Variants in TEX15 observed in about 807,000 individuals in gnomAD.
TEX15 encodes the protein testis-expressed protein 15.
TEX15 carries 171 observed loss-of-function variants against 237.3 expected under a neutral mutation model. The ratio of observed to expected loss-of-function variants is 0.72; its 90% CI spans 0.64 to 0.82. TEX15 has a LOEUF of 0.82. Ranked by LOEUF, TEX15 falls within the 40% of genes least tolerant of loss-of-function variation. The pLI, the probability that TEX15 is intolerant of heterozygous loss-of-function variation, is 0.00. For missense variants in TEX15, 3,750 were observed against 3,646.5 expected (o/e 1.03, Z -0.73); for synonymous variants, 1,338 against 1,269.8 (o/e 1.05, Z -1.14).
At chr8:30,861,235 A>C (rs1402617647) in intron 5 of TEX15, among the ~76,000 whole-genome samples, 1 of 152,230 alleles carries the variant, frequency 6.6e-6, no homozygotes, top group Non-Finnish European at 1.5e-5. Flanking sequence ...TATTAAAAAC[A>C]CAATGAAAAT....
intron 5 of TEX15, among the ~76,000 whole-genome samples, chr8:30,865,185 G>C (rs929714059): frequency 6.6e-6 from 1 of 152,038 alleles, no homozygotes; most frequent in Non-Finnish European, 1.5e-5. Context: ...AGACTAGTAT[G>C]ATAACTATAC....
chr8:30,905,701 C>G (rs1180405753), intron 1 of TEX15, among the ~76,000 whole-genome samples: 1 of 105,102 alleles, frequency 9.5e-6, no homozygotes, highest in East Asian at 2.9e-4. Flanking sequence ...CCAGCCTGGG[C>G]AACATGGCGA....
chr8:30,908,126 G>A (rs969555146), intron 1 of TEX15, among the ~76,000 whole-genome samples: 2 of 151,924 alleles, frequency 1.3e-5, no homozygotes, highest in African/African-American at 2.4e-5. Flanking sequence ...GTCTCACTAC[G>A]TTGCCCAGGC....
intron 3 of TEX15, among the ~76,000 whole-genome samples, chr8:30,883,072 T>A (rs1187204552): frequency 1.3e-5 from 2 of 152,134 alleles, no homozygotes; most frequent in East Asian, 3.9e-4. Context: ...TGACTGGCCC[T>A]GTAGTTTTTT....
intron 7 of TEX15, among the ~76,000 whole-genome samples, 167 bp downstream of exon 7, chr8:30,858,501 G>A (rs1349762498): frequency 3.3e-5 from 5 of 152,004 alleles, no homozygotes; most frequent in Non-Finnish European, 1.5e-5. Context: ...TACTAGAGAC[G>A]GGGTTTTGCT....
Position 30,848,806 on chromosome 8 carries a change from T to A in TEX15, c.1361A>T (p.Glu454Val). Reference protein sequence around the residue: ...GEQSSTAGLNEVLQFEKSSDN... With the variant: ...GEQSSTAGLNVVLQFEKSSDN... Reference sequence around the variant, plus strand: ...TGAACTCTTCTCAAATTGCAAAACCTCATTTAAGCCTGCAGTACTACTCTG... The same window carrying A: ...TGAACTCTTCTCAAATTGCAAAACCACATTTAAGCCTGCAGTACTACTCTG... The change falls in exon 8 of 11, where the codon GAG (glutamate) becomes GTG (valine). Residue 454 changes from glutamate to valine, a missense_variant. Coordinates refer to ENST00000643185, the MANE Select transcript of TEX15 (RefSeq NM_001350162.2). 1 of 1,614,064 alleles carries A rather than the reference T, an allele frequency of 6.2e-7. No homozygotes were observed. The highest frequency in any genetic ancestry group is 8.5e-7 in the Non-Finnish European group (1 of 1,179,996).
intron 7 of TEX15, 128 bp downstream of exon 7, chr8:30,858,540 C>T (rs532923142): frequency 2.6e-5 from 20 of 755,296 alleles, no homozygotes; most frequent in African/African-American, 1.1e-4. Context: ...TCAAGTAATC[C>T]GCCCACTTCC....
At position 30,859,834 on chromosome 8, in the gene TEX15, A is replaced by G. The variant is rs1046091631; in HGVS notation, c.687+77T>C. On this transcript the variant is annotated intron_variant, in intron 6 of 10. Transcript: ENST00000643185. The stretch of plus-strand genomic sequence containing the variant: ...ACGAATTAAGAGATTTTCATTTAAC[A>G]TTTTGGGAATTTAAGTCTTAAAACA... The G allele has an allele frequency of 4.5e-6, 5 of 1,105,926 alleles. No homozygotes were observed. The African/African-American group carries it at 4.9e-5, about 11-fold the overall frequency. The allele number at this position is 1,105,926 out of a possible 1,614,324, so 68.5% of individuals were successfully genotyped here. A position where few individuals can be genotyped will look rare whatever the true frequency, so the allele number is the denominator to read the frequency against.
rs1479619215 is a variant in TEX15, at chr8:30,844,948, T to C, written c.5219A>G (p.Gln1740Arg). ...GESSKSYLDK[Q>R]RILTVDSFAA... ...AAAAGAATCTACAGTAAGAATTCTC[T>C]GCTTATCCAAGTAAGATTTTGAAGA... The change falls in exon 8 of 11, where the codon CAG (glutamine) becomes CGG (arginine). Residue 1740 changes from glutamine (Q) to arginine (R), a missense_variant. Coordinates refer to ENST00000643185, the MANE Select transcript of TEX15 (RefSeq NM_001350162.2). The C allele has an allele frequency of 6.2e-7, 1 of 1,613,466 alleles. No individual in the cohort carries two copies. The highest frequency in any genetic ancestry group is 8.5e-7 in the Non-Finnish European group (1 of 1,179,580).
chr8:30,845,289 G>A lies in TEX15; in HGVS notation c.4878C>T (p.Asn1626=). 1.2e-6 allele frequency: 2 copies of A among 1,612,958 alleles called. No individual in the cohort carries two copies. The highest frequency in any genetic ancestry group is 1.7e-5 in the Admixed American group (1 of 59,892). The change falls in exon 8 of 11, where the codon AAC becomes AAT. Residue 1626 remains asparagine (N), a synonymous_variant. Transcript: ENST00000643185. ...NSVSLSCIKE[N]INSSTGNDCD... is the part of the protein sequence containing the mutation. ...AATCGTTGCCTGTACTAGAATTTAT[G>A]TTTTCTTTTATGCAACTTAAAGATA...
intron 2 of TEX15, among the ~76,000 whole-genome samples, chr8:30,893,635 A>G (rs1489532400): frequency 6.6e-6 from 1 of 152,238 alleles, no homozygotes; most frequent in Non-Finnish European, 1.5e-5. Flanking sequence ...TTTCCTGGGT[A>G]GAAAATTCTA....
chr8:30,858,462 A>G (rs757085891), intron 7 of TEX15, among the ~76,000 whole-genome samples: 38 of 151,952 alleles, frequency 2.5e-4, no homozygotes, highest in Non-Finnish European at 1.8e-4. Context: ...CAGGCACACA[A>G]CACCACACCT....
Position 30,843,019 on chromosome 8 carries a change from T to C in TEX15, c.7148A>G (p.Asp2383Gly). Residue 2383 changes from aspartate to glycine, a missense_variant, in exon 8 of 11, where the codon GAC becomes GGC. Physicochemically the swap from Asp to Gly is moderately conservative, Grantham distance 94 (BLOSUM62 -1). Transcript: ENST00000643185. ...SEILDQAEFA[D>G]LKKLQDLTLR... ...GGTGAGATCCTGTAATTTTTTAAGG[T>C]CTGCAAATTCAGCCTGATCCAATAT... The C allele has an allele frequency of 6.2e-7, 1 of 1,613,596 alleles. No homozygotes were observed. Among genetic ancestry groups the C allele is most frequent in the Non-Finnish European group, 8.5e-7 (1 of 1,179,740 alleles).
chr8:30,856,091 G>A (rs1226940793), intron 7 of TEX15, among the ~76,000 whole-genome samples: 11 of 151,990 alleles, frequency 7.2e-5, no homozygotes, highest in Admixed American at 4.6e-4. Context: ...GATTATAGGC[G>A]CCTGGCACCA....
chr8:30,888,751 A>T lies in TEX15; in HGVS notation c.-9-1440T>A, dbSNP rs1808720166. 5.3e-6 allele frequency: 5 copies of T among 943,538 alleles called. 1 individual carries two copies. The South Asian group carries it at 6.9e-5, about 13-fold the overall frequency. The allele number at this position is 943,538 out of a possible 1,614,324, so 58.4% of individuals were successfully genotyped here. ...TTCTACAGAAAGATCACAAAGGATA[A>T]GGTTCTAAGAAGGTTCACAAGGATG... On this transcript the variant is annotated intron_variant, in intron 2 of 10. Transcript: ENST00000643185.
Position 30,846,581 on chromosome 8 carries a change from C to G in TEX15, c.3586G>C (p.Glu1196Gln), listed in dbSNP as rs1219694936. 4 of 1,613,696 alleles carry G rather than the reference C, an allele frequency of 2.5e-6. No homozygotes were observed. Among genetic ancestry groups the G allele is most frequent in the Non-Finnish European group, 3.4e-6 (4 of 1,179,788 alleles). The change falls in exon 8 of 11, where the codon GAA becomes CAA. Residue 1196 changes from glutamate (E) to glutamine (Q), a missense_variant. Coordinates refer to ENST00000643185, the MANE Select transcript of TEX15 (RefSeq NM_001350162.2). ...TEATKPEINK[E>Q]DGEILGFDIY... ...TCAAATCCTAGAATTTCTCCATCTTCCTTATTTATTTCCGGTTTTGTGGCT... is the reference window on the plus strand; with the variant it reads ...TCAAATCCTAGAATTTCTCCATCTTGCTTATTTATTTCCGGTTTTGTGGCT...
At chr8:30,901,395 A>G (rs1809003351) in intron 1 of TEX15, among the ~76,000 whole-genome samples, 2 of 152,190 alleles carry the variant, frequency 1.3e-5, no homozygotes, top group South Asian at 4.1e-4. Flanking sequence ...AGGCTTACAG[A>G]AGAGTTTGGA....
chr8:30,911,672 G>A (rs752272073), intron 1 of TEX15, among the ~76,000 whole-genome samples: 2 of 152,112 alleles, frequency 1.3e-5, no homozygotes, highest in African/African-American at 2.4e-5. Flanking sequence ...GGGAACCGTG[G>A]TATCTTCAAA....
rs61736162 is a variant in TEX15 at position 30,845,100 on chromosome 8, C to T, written c.5067G>A (p.Glu1689=). 6.2e-7 allele frequency: 1 copy of T among 1,613,536 alleles called. No homozygotes were observed. Among genetic ancestry groups the T allele is most frequent in the Non-Finnish European group, 8.5e-7 (1 of 1,179,532 alleles). ...NLEVKWTDPI[E]RPKQNIITGN... The stretch of plus-strand genomic sequence containing the variant: ...CTGTAATAATGTTTTGTTTGGGTCT[C>T]TCAATAGGATCTGTCCACTTTACTT... The change falls in exon 8 of 11, where the codon GAG becomes GAA. Residue 1689 remains glutamate (E), a synonymous_variant. Transcript: ENST00000643185.
Sources: gnomAD v4.1 joint callset for allele counts (sites outside exome capture counted in the v4.1 genomes callset) on GRCh38, gnomAD v4.1.1 for gene constraint, MANE v1.5 for transcripts, NCBI Gene and HGNC (gene_info 2026-07-23, HGNC 2026-07-21) for gene names.